Variants in CREB3L2 observed in about 807,000 individuals in gnomAD.
The protein encoded by CREB3L2 is cyclic AMP-responsive element-binding protein 3-like protein 2.
A neutral mutation model predicts 57.2 loss-of-function variants in CREB3L2; 23 were observed. The observed-to-expected ratio is 0.40, with a 90% CI of 0.29 to 0.57. CREB3L2 has a LOEUF of 0.57. CREB3L2 is among the 20% of genes least tolerant of loss of function. CREB3L2 has a pLI of 0.42. For missense variants in CREB3L2, 628 were observed against 634.7 expected, an observed-to-expected ratio of 0.99 and a Z score of 0.11; for synonymous variants, 268 against 265.1, an observed-to-expected ratio of 1.01 and a Z score of -0.11.
At chr7:137,996,040 T>A (rs1801984174) in intron 1 of CREB3L2, among the ~76,000 whole-genome samples, 2 of 152,226 alleles carry the variant, frequency 1.3e-5, no homozygotes, top group African/African-American at 2.4e-5. Flanking sequence ...GGCTGCCTTA[T>A]GAATAAGAGC....
In CREB3L2 at chr7:137,884,985, G is replaced by T. The variant is rs780199078; in HGVS notation, c.1270+10C>A. On this transcript the variant is annotated intron_variant, in intron 10 of 11. Transcript: ENST00000330387. ...CAAGACCCTGCCCAACTTGCCACAT[G>T]CTGTCTTACCCACGGAGGCTGTGTA... is the stretch of plus-strand genomic sequence containing the variant. 1.2e-6 allele frequency: 2 copies of T among 1,614,046 alleles called. No individual in the cohort carries two copies. The highest frequency in any genetic ancestry group is 1.7e-6 in the Non-Finnish European group (2 of 1,180,014).
At chr7:137,974,516 G>T in intron 1 of CREB3L2, among the ~76,000 whole-genome samples, 1 of 152,210 alleles carries the variant, frequency 6.6e-6, no homozygotes, top group African/African-American at 2.4e-5. Flanking sequence ...TCAGATGTCA[G>T]GGAAGAAATC....
intron 1 of CREB3L2, among the ~76,000 whole-genome samples, chr7:137,987,427 C>T (rs575381600): frequency 3.4e-4 from 52 of 152,288 alleles, no homozygotes; most frequent in African/African-American, 7.0e-4. Flanking sequence ...ATACAGTCTT[C>T]GGTGTTCAAG....
At chr7:137,891,722 T>G (rs1407172167) in intron 8 of CREB3L2, among the ~76,000 whole-genome samples, 1 of 152,084 alleles carries the variant, frequency 6.6e-6, no homozygotes, top group Non-Finnish European at 1.5e-5. Context: ...ATTACAGGCA[T>G]ATGCCACCAC....
intron 1 of CREB3L2, among the ~76,000 whole-genome samples, chr7:137,988,745 C>T (rs1446871832): frequency 6.6e-6 from 1 of 152,094 alleles, no homozygotes; most frequent in Non-Finnish European, 1.5e-5. Flanking sequence ...TCCATCCAGC[C>T]GATGGGAAGG....
chr7:137,937,858 T>C (rs1359419619), intron 1 of CREB3L2, among the ~76,000 whole-genome samples: 1 of 151,212 alleles, frequency 6.6e-6, no homozygotes, highest in Non-Finnish European at 1.5e-5. Context: ...TAAATATATG[T>C]ACACCTTGCT....
intron 8 of CREB3L2, among the ~76,000 whole-genome samples, chr7:137,899,919 C>T (rs1006188283): frequency 1.3e-5 from 2 of 152,148 alleles, no homozygotes; most frequent in African/African-American, 4.8e-5. Flanking sequence ...TAAACTGATC[C>T]CTTAATATTT....
At chr7:137,921,446 A>G (rs186735161) in intron 2 of CREB3L2, among the ~76,000 whole-genome samples, 58 of 152,342 alleles carry the variant, frequency 3.8e-4, no homozygotes, top group African/African-American at 1.3e-3. Flanking sequence ...AGCCATGAGC[A>G]ATGGGGCTAG....
In CREB3L2 at chr7:137,876,474, T is replaced by C. The variant is rs1799157307; in HGVS notation, c.*4002A>G. ...CTATTCCCCAATATTCCCTAGGGCCTCAGGCAACACTCTTCCTTATGAAAC... is the reference window on the plus strand; with the variant it reads ...CTATTCCCCAATATTCCCTAGGGCCCCAGGCAACACTCTTCCTTATGAAAC... On this transcript the variant is annotated 3_prime_UTR_variant, in exon 12 of 12. Transcript: ENST00000330387. 1 of 232,524 alleles carries C rather than the reference T, an allele frequency of 4.3e-6. No individual in the cohort carries two copies. The highest frequency in any genetic ancestry group is 2.2e-5 in the African/African-American group (1 of 45,240). The allele number at this position is 232,524 out of a possible 1,614,324, so 14.4% of individuals were successfully genotyped here.
chr7:137,877,325 T>C lies in CREB3L2; in HGVS notation c.*3151A>G. ...TAATTTTGCCCATATTGGTGTCAAA[T>C]CTCATCCCCACTCCCTGCCAAAAAA... On this transcript the variant is annotated 3_prime_UTR_variant, in exon 12 of 12. Coordinates refer to ENST00000330387, the MANE Select transcript of CREB3L2 (RefSeq NM_194071.4). The C allele has an allele frequency of 4.4e-6, 1 of 227,596 alleles. No individual in the cohort carries two copies. The allele number at this position is 227,596 out of a possible 1,614,324, so 14.1% of individuals were successfully genotyped here. A position where few individuals can be genotyped will look rare whatever the true frequency, so the allele number is the denominator to read the frequency against.
At chr7:137,909,853 T>C (rs917729177) in intron 4 of CREB3L2, among the ~76,000 whole-genome samples, 8 of 152,194 alleles carry the variant, frequency 5.3e-5, no homozygotes, top group Admixed American at 1.3e-4. Context: ...CGGGAGATCA[T>C]TGAATCATGG....
intron 4 of CREB3L2, among the ~76,000 whole-genome samples, chr7:137,909,858 T>G (rs1799970378): frequency 6.6e-6 from 1 of 152,186 alleles, no homozygotes; most frequent in Non-Finnish European, 1.5e-5. Flanking sequence ...GATCATTGAA[T>G]CATGGGGGCA....
intron 8 of CREB3L2, among the ~76,000 whole-genome samples, chr7:137,899,683 T>C (rs1018726751): frequency 1.3e-5 from 2 of 152,230 alleles, no homozygotes; most frequent in Non-Finnish European, 2.9e-5. Context: ...TTGGTGGCAC[T>C]TCCTCCCTTT....
At chr7:137,945,364 G>C (rs1050713498) in intron 1 of CREB3L2, among the ~76,000 whole-genome samples, 1 of 152,096 alleles carries the variant, frequency 6.6e-6, no homozygotes, top group Non-Finnish European at 1.5e-5. Flanking sequence ...TTTACAATGG[G>C]AGGAAAAAAG....
In CREB3L2 at chr7:137,876,777, T is replaced by C. The variant is rs930194325; in HGVS notation, c.*3699A>G. On this transcript the variant is annotated 3_prime_UTR_variant, in exon 12 of 12. Transcript: ENST00000330387. ...TCTTTAACCCAGGTTTCTTAAAGAC[T>C]GGCTTCAATAGAACCAACTGTAGTG... The C allele has an allele frequency of 4.3e-6, 1 of 232,282 alleles. No homozygotes were observed. The highest frequency in any genetic ancestry group is 8.5e-6 in the Non-Finnish European group (1 of 117,558). The allele number at this position is 232,282 out of a possible 1,614,324, so 14.4% of individuals were successfully genotyped here. A position where few individuals can be genotyped will look rare whatever the true frequency, so the allele number is the denominator to read the frequency against.
intron 2 of CREB3L2, among the ~76,000 whole-genome samples, chr7:137,920,339 A>G (rs1368989771): frequency 1.3e-5 from 2 of 152,208 alleles, no homozygotes; most frequent in Non-Finnish European, 2.9e-5. Flanking sequence ...GAGCTAGGAT[A>G]ATCTAGTGAT....
chr7:137,902,511 A>G (rs1355478595), intron 7 of CREB3L2, among the ~76,000 whole-genome samples: 1 of 152,186 alleles, frequency 6.6e-6, no homozygotes, highest in Non-Finnish European at 1.5e-5. Context: ...TCATAGGAAC[A>G]TCTTGACCCT....
intron 1 of CREB3L2, among the ~76,000 whole-genome samples, chr7:137,934,652 A>G (rs1424198864): frequency 6.6e-6 from 1 of 152,232 alleles, no homozygotes; most frequent in Non-Finnish European, 1.5e-5. Context: ...CTATGAACAC[A>G]TGGTCTCCTG....
At chr7:137,946,880 CTA>C (rs1296827442) in intron 1 of CREB3L2, among the ~76,000 whole-genome samples, 1 of 34,074 alleles carries the variant, frequency 2.9e-5, no homozygotes, top group Non-Finnish European at 4.7e-5. Flanking sequence ...ATATAGTTAT[CTA>C]TATAGTTATA....
Sources: gnomAD v4.1 joint callset for allele counts (sites outside exome capture counted in the v4.1 genomes callset) on GRCh38, gnomAD v4.1.1 for gene constraint, MANE v1.5 for transcripts, NCBI Gene and HGNC (gene_info 2026-07-23, HGNC 2026-07-21) for gene names.